Variants in NSG2 observed in about 807,000 individuals in gnomAD.
The protein encoded by NSG2 is neuronal vesicle trafficking-associated protein 2.
In NSG2, 4 loss-of-function variants were observed where a neutral mutation model predicts 16.9. That is an observed-to-expected ratio of 0.24 (90% confidence interval 0.12 to 0.54). NSG2 has a LOEUF of 0.54. NSG2 is among the 20% of genes least tolerant of loss of function. The pLI, the probability that NSG2 is intolerant of heterozygous loss-of-function variation, is 0.95. For missense variants in NSG2, 179 were observed against 221.1 expected, an observed-to-expected ratio of 0.81 and a Z score of 1.21; for synonymous variants, 98 against 88.7, an observed-to-expected ratio of 1.11 and a Z score of -0.59.
At chr5:174,080,327 T>C (rs1010888389) in intron 3 of NSG2, among the ~76,000 whole-genome samples, 1 of 149,064 alleles carries the variant, frequency 6.7e-6, no homozygotes, top group Non-Finnish European at 1.5e-5. Flanking sequence ...TAAAATGTTA[T>C]ATATAACCCT....
chr5:174,047,531 A>T (rs1363534181), intron 2 of NSG2, among the ~76,000 whole-genome samples: 1 of 152,206 alleles, frequency 6.6e-6, no homozygotes, highest in Non-Finnish European at 1.5e-5. Flanking sequence ...AAAGGTGAGT[A>T]AAAACCCTTC....
chr5:174,073,688 G>C (rs1176932390), intron 3 of NSG2, among the ~76,000 whole-genome samples: 1 of 152,168 alleles, frequency 6.6e-6, no homozygotes, highest in Non-Finnish European at 1.5e-5. Context: ...ATTCCTCTGA[G>C]ACAGAAAACA....
At chr5:174,100,340 T>G (rs1760879316) in intron 3 of NSG2, among the ~76,000 whole-genome samples, 1 of 152,180 alleles carries the variant, frequency 6.6e-6, no homozygotes, top group Non-Finnish European at 1.5e-5. Context: ...GTGTAGTTGG[T>G]TTGAGATAGG....
intron 3 of NSG2, among the ~76,000 whole-genome samples, chr5:174,075,756 A>T (rs1760330542): frequency 6.6e-6 from 1 of 152,236 alleles, no homozygotes; most frequent in Non-Finnish European, 1.5e-5. Context: ...TTCTTAAAAA[A>T]TTGATGATGT....
chr5:174,097,336 C>T (rs767138149), intron 3 of NSG2, among the ~76,000 whole-genome samples: 22 of 151,682 alleles, frequency 1.5e-4, no homozygotes, highest in Non-Finnish European at 2.4e-4. Flanking sequence ...TGTGGGGTGG[C>T]GGGGTTGAGG....
chr5:174,072,354 G>A lies in NSG2; in HGVS notation c.213+8039G>A, dbSNP rs561259455. On this transcript the variant is annotated intron_variant, in intron 3 of 4. Transcript: ENST00000303177. This position sits in a 1 kb window ranked among gnomAD's most constrained non-coding sequence, Gnocchi z 4.0. ...CCCTTCCCTCATGATCCTGTCCATTGGATGTCTCCCTGCCTTTGTCTGTGT... is the reference window on the plus strand; with the variant it reads ...CCCTTCCCTCATGATCCTGTCCATTAGATGTCTCCCTGCCTTTGTCTGTGT... 6.6e-6 allele frequency among the ~76,000 whole-genome samples: 1 copy of A among 152,320 alleles called. No individual in the cohort carries two copies. The highest frequency in any genetic ancestry group is 2.1e-4 in the South Asian group (1 of 4,824).
chr5:174,062,808 T>C (rs771194184), intron 2 of NSG2, among the ~76,000 whole-genome samples: 56 of 152,222 alleles, frequency 3.7e-4, no homozygotes, highest in Non-Finnish European at 5.7e-4. Flanking sequence ...GTCCATGACA[T>C]GCCTCACAGA....
chr5:174,090,994 T>C (rs1316300600), intron 3 of NSG2, among the ~76,000 whole-genome samples: 1 of 152,066 alleles, frequency 6.6e-6, no homozygotes, highest in African/African-American at 2.4e-5. Context: ...AAACCAACTT[T>C]GCTGATCTGA....
At chr5:174,096,863 G>A (rs1159808267) in intron 3 of NSG2, among the ~76,000 whole-genome samples, 1 of 152,236 alleles carries the variant, frequency 6.6e-6, no homozygotes, top group East Asian at 1.9e-4. Flanking sequence ...GCTGCCTCCT[G>A]CCACGGCTGA....
At chr5:174,065,361 G>A (rs1244896983) in intron 3 of NSG2, among the ~76,000 whole-genome samples, 2 of 151,970 alleles carry the variant, frequency 1.3e-5, no homozygotes, top group South Asian at 2.1e-4. Context: ...CAGTGAGGCC[G>A]GGCTCTAGGA....
chr5:174,073,080 A>G (rs1211537564), intron 3 of NSG2, among the ~76,000 whole-genome samples: 1 of 152,256 alleles, frequency 6.6e-6, no homozygotes, highest in African/African-American at 2.4e-5. Flanking sequence ...GATCACATCA[A>G]CAGCTCTGGT....
At chr5:174,065,762 G>A (rs990794602) in intron 3 of NSG2, among the ~76,000 whole-genome samples, 1 of 152,234 alleles carries the variant, frequency 6.6e-6, no homozygotes, top group Non-Finnish European at 1.5e-5. Context: ...GATGGATGAT[G>A]CAGCAGCCTG....
chr5:174,097,794 T>TCTGTGTGTGTGTGTAA (rs927567580), intron 3 of NSG2, among the ~76,000 whole-genome samples: 1 of 151,222 alleles, frequency 6.6e-6, no homozygotes, highest in Non-Finnish European at 1.5e-5. Context: ...TGTGTGTGTC[T>TCTGTGTGTGTGTGTAA]CTGTGTGTGT....
chr5:174,065,672 G>C (rs1760126986), intron 3 of NSG2, among the ~76,000 whole-genome samples: 1 of 152,172 alleles, frequency 6.6e-6, no homozygotes. Context: ...GTGGCCAGTG[G>C]GTGGAGAGAT....
chr5:174,059,653 C>A (rs554774031), intron 2 of NSG2, among the ~76,000 whole-genome samples: 8 of 152,242 alleles, frequency 5.3e-5, no homozygotes, highest in African/African-American at 1.9e-4. Flanking sequence ...AACTGTGGAT[C>A]CCAGAGTAGG....
At chr5:174,050,396 CCAGGGAG>C (rs1295635912) in intron 2 of NSG2, among the ~76,000 whole-genome samples, 2 of 152,086 alleles carry the variant, frequency 1.3e-5, no homozygotes, top group African/African-American at 4.8e-5. Context: ...TTGTTCCAGG[CCAGGGAG>C]GGGACTATGC....
Position 174,064,288 on chromosome 5 carries a change from C to T in NSG2, c.186C>T (p.Phe62=), listed in dbSNP as rs139341537. The T allele has an allele frequency of 1.9e-6, 3 of 1,611,474 alleles. No individual in the cohort carries two copies. The highest frequency in any genetic ancestry group is 2.5e-6 in the Non-Finnish European group (3 of 1,178,348). The change falls in exon 3 of 5, where the codon TTC becomes TTT. Residue 62 remains phenylalanine, a synonymous_variant. Transcript: ENST00000303177. ...CGGAACAGAAGAACAAAGGGAAGTTCCGGGTGCCGAAAATCGCTGAATTTA... is the reference window on the plus strand; with the variant it reads ...CGGAACAGAAGAACAAAGGGAAGTTTCGGGTGCCGAAAATCGCTGAATTTA... ...YQPEQKNKGK[F]RVPKIAEFTV...
At chr5:174,074,317 T>C (rs1760298157) in intron 3 of NSG2, among the ~76,000 whole-genome samples, 1 of 152,178 alleles carries the variant, frequency 6.6e-6, no homozygotes, top group South Asian at 2.1e-4. Context: ...TCGATAAACG[T>C]GAGCTTCCTC....
Position 174,045,785 on chromosome 5 carries a change from C to T in NSG2, c.-81C>T, listed in dbSNP as rs1303990517. 6.6e-6 allele frequency: 1 copy of T among 152,400 alleles called. No individual in the cohort carries two copies. Among genetic ancestry groups the T allele is most frequent in the South Asian group, 2.1e-4 (1 of 4,834 alleles). The allele number at this position is 152,400 out of a possible 1,614,324, so 9.4% of individuals were successfully genotyped here. ...GGGCTGAGGAGGGAGGACTCCTGGCCGTCCTCCTCCTCTTCAAATTGGCTT... is the reference window on the plus strand; with the variant it reads ...GGGCTGAGGAGGGAGGACTCCTGGCTGTCCTCCTCCTCTTCAAATTGGCTT... On this transcript the variant is annotated 5_prime_UTR_variant, in exon 1 of 5. Coordinates refer to ENST00000303177, the MANE Select transcript of NSG2 (RefSeq NM_015980.5).
Sources: allele counts gnomAD v4.1 joint callset (sites outside exome capture counted in the v4.1 genomes callset), GRCh38; gene constraint gnomAD v4.1.1; non-coding constraint Gnocchi (gnomAD v3.1); transcripts MANE v1.5; gene names NCBI Gene and HGNC (gene_info 2026-07-23, HGNC 2026-07-21).